Variants in HLF observed in about 807,000 individuals in gnomAD.
HLF encodes HLF transcription factor, PAR bZIP family member.
HLF carries 3 observed loss-of-function variants against 22.6 expected under a neutral mutation model. The observed-to-expected ratio is 0.13, with a 90% CI of 0.06 to 0.34. HLF has a LOEUF of 0.34. Ranked by LOEUF, HLF falls within the 10% of genes least tolerant of loss-of-function variation. HLF has a pLI of 1.00. For synonymous variants in HLF, 151 were observed against 151.8 expected (o/e 0.99, Z 0.04); for missense variants, 299 against 389.2 (o/e 0.77, Z 1.95).
chr17:55,266,917 T>A, intron 1 of HLF: 1 of 484,896 alleles, frequency 2.1e-6, no homozygotes. Context: ...TTCCAATAGC[T>A]CTGCTTTTGA....
rs190269500 is a variant in HLF, at chr17:55,321,400, G to C, written c.*521G>C. The stretch of plus-strand genomic sequence containing the variant: ...CACAATAACTTAGCACTACTCCGCA[G>C]CTCTAGTCCTTTATAAGTTGCTTTC... On this transcript the variant is annotated 3_prime_UTR_variant, in exon 4 of 4. Coordinates refer to ENST00000226067, the MANE Select transcript of HLF (RefSeq NM_002126.5). 4.3e-6 allele frequency: 1 copy of C among 233,160 alleles called. No homozygotes were observed. The highest frequency in any genetic ancestry group is 2.2e-5 in the African/African-American group (1 of 45,422). 14.4% of individuals were successfully genotyped at this position (233,160 alleles called of 1,614,324 possible). A position where few individuals can be genotyped will look rare whatever the true frequency, so the allele number is the denominator to read the frequency against.
chr17:55,316,972 T>TC (rs949768873), intron 3 of HLF, among the ~76,000 whole-genome samples: 2 of 135,058 alleles, frequency 1.5e-5, no homozygotes, highest in East Asian at 6.3e-4. Flanking sequence ...GGTGTTTTTT[T>TC]TTTTTTTTTT....
intron 2 of HLF, among the ~76,000 whole-genome samples, chr17:55,307,714 G>A (rs1012170490): frequency 1.3e-5 from 2 of 151,846 alleles, no homozygotes; most frequent in Non-Finnish European, 2.9e-5. Flanking sequence ...CTAGAATCTG[G>A]GGCAGCAGCA....
At chr17:55,315,595 C>T in intron 3 of HLF, 148 bp downstream of exon 3, 1 of 641,884 alleles carries the variant, frequency 1.6e-6, no homozygotes, top group Non-Finnish European at 2.7e-6. Context: ...GACTTCTAGG[C>T]CAGTTGTTTC....
At chr17:55,268,691 A>C (rs8078695) in intron 2 of HLF, among the ~76,000 whole-genome samples, 1 of 148,328 alleles carries the variant, frequency 6.7e-6, no homozygotes, top group Non-Finnish European at 1.5e-5. Flanking sequence ...TCAGGACCAG[A>C]CTCCATCTCT....
In HLF at chr17:55,320,034, G is replaced by A. The variant is rs1905210705; in HGVS notation, c.673-630G>A. Among the ~76,000 whole-genome samples, 1 of 152,150 alleles carries A rather than the reference G, an allele frequency of 6.6e-6. No individual in the cohort carries two copies. Among genetic ancestry groups the A allele is most frequent in the Non-Finnish European group, 1.5e-5 (1 of 68,038 alleles). ...GGTCATTATTTTTAACAGCTGCCAA[G>A]TATCCCTTTGTATGACTGTATCATA... On this transcript the variant is annotated intron_variant, in intron 3 of 3. Transcript: ENST00000226067. The surrounding 1 kb of genome is among the most constrained non-coding windows in gnomAD (Gnocchi z 4.2).
At position 55,322,581 on chromosome 17, in the gene HLF, C is replaced by T. The variant is rs557584725; in HGVS notation, c.*1702C>T. On this transcript the variant is annotated 3_prime_UTR_variant, in exon 4 of 4. Coordinates refer to ENST00000226067, the MANE Select transcript of HLF (RefSeq NM_002126.5). ...ATGACAGTATCGAGGCTTGTGATGA[C>T]GAATCCTGCTCTAAAATACACAAGG... The T allele has an allele frequency of 1.5e-4, 33 of 216,384 alleles. No individual in the cohort carries two copies. The highest frequency in any genetic ancestry group is 1.4e-3 in the Middle Eastern group (1 of 712). The allele number at this position is 216,384 out of a possible 1,614,324, so 13.4% of individuals were successfully genotyped here.
chr17:55,300,420 G>C (rs1742830405), intron 2 of HLF, among the ~76,000 whole-genome samples: 1 of 152,114 alleles, frequency 6.6e-6, no homozygotes, highest in African/African-American at 2.4e-5. Context: ...TATAACATCT[G>C]CATCTCCAGT....
rs1467990631 is a variant in HLF, at chr17:55,266,840, C to T, written c.116-911C>T. ...GAATGCTTGTTAAAGACCTAATGGG[C>T]GAGCAGTACTTCCAGGTAGCAAATA... On this transcript the variant is annotated intron_variant, in intron 1 of 3. Transcript: ENST00000226067. 6.1e-6 allele frequency: 6 copies of T among 981,052 alleles called. No individual in the cohort carries two copies. The African/African-American group carries it at 7.0e-5, about 11-fold the overall frequency. 60.8% of individuals were successfully genotyped at this position (981,052 alleles called of 1,614,324 possible).
chr17:55,269,352 G>A (rs1007175942), intron 2 of HLF, among the ~76,000 whole-genome samples: 1 of 152,144 alleles, frequency 6.6e-6, no homozygotes, highest in African/African-American at 2.4e-5. Flanking sequence ...GGGAGCTTGG[G>A]AAAACATGCC....
chr17:55,324,981 T>C lies in HLF; in HGVS notation c.*4102T>C. On this transcript the variant is annotated 3_prime_UTR_variant, in exon 4 of 4. Transcript: ENST00000226067. ...AGGTTAGTTTAATTGTACACCATGA[T>C]ATTGGTGGTATTTATGCTGTTAAGT... is the stretch of plus-strand genomic sequence containing the variant. The C allele has an allele frequency of 4.4e-6, 1 of 229,052 alleles. No individual in the cohort carries two copies. The highest frequency in any genetic ancestry group is 8.7e-6 in the Non-Finnish European group (1 of 115,134). The allele number at this position is 229,052 out of a possible 1,614,324, so 14.2% of individuals were successfully genotyped here. A position where few individuals can be genotyped will look rare whatever the true frequency, so the allele number is the denominator to read the frequency against.
intron 2 of HLF, among the ~76,000 whole-genome samples, chr17:55,311,948 T>G (rs773083731): frequency 4.6e-5 from 7 of 152,182 alleles, no homozygotes; most frequent in Non-Finnish European, 8.8e-5. Flanking sequence ...GTTAATTCAT[T>G]TAGGATGATG....
rs189776186 is a variant in HLF, at chr17:55,286,913, G to A, written c.451+18827G>A. Among the ~76,000 whole-genome samples, 55 of 152,250 alleles carry A rather than the reference G, an allele frequency of 3.6e-4. 1 individual carries two copies. The highest frequency in any genetic ancestry group is 6.3e-4 in the Non-Finnish European group (43 of 68,024). The stretch of plus-strand genomic sequence containing the variant: ...CATAGAGGATGCCCAAAATCTCAGG[G>A]ACTGGGATACAGCCTCCTGCCAGTC... On this transcript the variant is annotated intron_variant, in intron 2 of 3. Transcript: ENST00000226067.
chr17:55,318,424 A>C (rs1372334340), intron 3 of HLF, among the ~76,000 whole-genome samples: 2 of 152,172 alleles, frequency 1.3e-5, no homozygotes, highest in East Asian at 3.9e-4. Flanking sequence ...TGAGGCTGGG[A>C]AATGAGAGCA....
intron 2 of HLF, among the ~76,000 whole-genome samples, chr17:55,311,949 T>C (rs967848655): frequency 6.6e-6 from 1 of 152,206 alleles, no homozygotes; most frequent in South Asian, 2.1e-4. Flanking sequence ...TTAATTCATT[T>C]AGGATGATGG....
At chr17:55,306,503 C>A (rs1159317744) in intron 2 of HLF, among the ~76,000 whole-genome samples, 1 of 150,174 alleles carries the variant, frequency 6.7e-6, no homozygotes, top group African/African-American at 2.4e-5. Context: ...TGAAAACTTA[C>A]TGAGCACTTG....
In HLF at chr17:55,299,397, C is replaced by T. The variant is rs535691493; in HGVS notation, c.452-15830C>T. 5.9e-5 allele frequency among the ~76,000 whole-genome samples: 9 copies of T among 152,218 alleles called. No individual in the cohort carries two copies. In the South Asian group the frequency reaches 6.2e-4, roughly 11 times the overall value. On this transcript the variant is annotated intron_variant, in intron 2 of 3. Coordinates refer to ENST00000226067, the MANE Select transcript of HLF (RefSeq NM_002126.5). ...CATTTTCACCTATCCTGCCTACTTC[C>T]GTAACCTATGCCCCACAAAACATAC...
At chr17:55,276,846 C>T (rs1021168691) in intron 2 of HLF, among the ~76,000 whole-genome samples, 8 of 152,200 alleles carry the variant, frequency 5.3e-5, no homozygotes, top group African/African-American at 1.9e-4. Context: ...GGATTTGAAA[C>T]ATTTTTAGAA....
At position 55,282,477 on chromosome 17, in the gene HLF, A is replaced by T. The variant is rs531646753; in HGVS notation, c.451+14391A>T. Among the ~76,000 whole-genome samples the T allele has an allele frequency of 2.0e-5, 3 of 152,362 alleles. No homozygotes were observed. The South Asian group carries it at 6.2e-4, about 32-fold the overall frequency. ...TAATAGAAAACTGACCAAACAGTTT[A>T]CATCAATGTCCATTATTATTTCCAT... is the stretch of plus-strand genomic sequence containing the variant. On this transcript the variant is annotated intron_variant, in intron 2 of 3. Coordinates refer to ENST00000226067, the MANE Select transcript of HLF (RefSeq NM_002126.5).
Sources: gnomAD v4.1 joint callset for allele counts (sites outside exome capture counted in the v4.1 genomes callset) on GRCh38, gnomAD v4.1.1 for gene constraint, Gnocchi (gnomAD v3.1) non-coding constraint, MANE v1.5 for transcripts, NCBI Gene and HGNC (gene_info 2026-07-23, HGNC 2026-07-21) for gene names.